GMPPB: variants seen among roughly 807,000 people sequenced by gnomAD.
GMPPB encodes mannose-1-phosphate guanylyltransferase catalytic subunit beta.
Under a neutral mutation model 40.3 loss-of-function variants are expected in GMPPB, and 38 were observed. The observed-to-expected ratio is 0.94, with a 90% CI of 0.73 to 1.24. The LOEUF (loss-of-function observed/expected upper bound fraction) is 1.24. Ranked by LOEUF, GMPPB falls within the 50% of genes most tolerant of loss-of-function variation. The pLI, the probability that GMPPB is intolerant of heterozygous loss-of-function variation, is 0.00. For synonymous variants in GMPPB, 193 were observed against 191.8 expected (o/e 1.01, Z -0.05); for missense variants, 436 against 487.1 (o/e 0.90, Z 0.99).
In GMPPB at chr3:49,720,627, AC is replaced by A. The variant is rs1287727536; in HGVS notation, c.*1124del. On this transcript the variant is annotated 3_prime_UTR_variant, in exon 9 of 9. Coordinates refer to ENST00000308388, the MANE Select transcript of GMPPB (RefSeq NM_021971.4). ...CCTGGCACTGCTCTGCCAGCCCCTG[AC>A]CGGAAGCGCTTCTCCCTGCAGAGCT... 2 of 1,602,824 alleles carry A rather than the reference AC, an allele frequency of 1.2e-6. No individual in the cohort carries two copies. The highest frequency in any genetic ancestry group is 3.4e-5 in the Admixed American group (2 of 59,426).
Position 49,720,535 on chromosome 3 carries a change from C to T in GMPPB, c.*1217G>A, listed in dbSNP as rs761396877. The T allele has an allele frequency of 2.5e-6, 4 of 1,604,538 alleles. No homozygotes were observed. The South Asian group carries it at 3.3e-5, about 13-fold the overall frequency. On this transcript the variant is annotated 3_prime_UTR_variant, in exon 9 of 9. Transcript: ENST00000308388. ...GGAGAGAGCAAGCCACATCAGTGCT[C>T]CTGGCAGATCCCTGCTTCCAGCTAC...
rs750733949 is a variant in GMPPB, at chr3:49,721,338, C to T, written c.*414G>A. 3.7e-6 allele frequency: 6 copies of T among 1,614,082 alleles called. No individual in the cohort carries two copies. Among genetic ancestry groups the T allele is most frequent in the African/African-American group, 1.3e-5 (1 of 75,062 alleles). On this transcript the variant is annotated 3_prime_UTR_variant, in exon 9 of 9. Coordinates refer to ENST00000308388, the MANE Select transcript of GMPPB (RefSeq NM_021971.4). The stretch of plus-strand genomic sequence containing the variant: ...AGCCTGTGCCATCCTGGAACCTCCA[C>T]CTTTGAACCCAGAGCCAGGCTGGGC...
chr3:49,720,612 C>T lies in GMPPB; in HGVS notation c.*1140G>A. The T allele has an allele frequency of 3.7e-6, 6 of 1,607,620 alleles. No individual in the cohort carries two copies. The highest frequency in any genetic ancestry group is 5.1e-6 in the Non-Finnish European group (6 of 1,175,582). ...CCAGAGCCCCCAGCACCTGGCACTG[C>T]TCTGCCAGCCCCTGACCGGAAGCGC... is the stretch of plus-strand genomic sequence containing the variant. On this transcript the variant is annotated 3_prime_UTR_variant, in exon 9 of 9. Coordinates refer to ENST00000308388, the MANE Select transcript of GMPPB (RefSeq NM_021971.4).
At chr3:49,722,937 G>C (rs187185691) in intron 4 of GMPPB, 35 bp downstream of exon 4, 1 of 1,607,750 alleles carries the variant, frequency 6.2e-7, no homozygotes, top group Non-Finnish European at 8.5e-7. Flanking sequence ...CATGGAGGGT[G>C]AAAGTGTCAA....
intron 8 of GMPPB, 29 bp downstream of exon 8, chr3:49,721,936 T>TCCCCC: frequency 3.2e-6 from 5 of 1,584,988 alleles, no homozygotes; most frequent in Non-Finnish European, 4.3e-6. Flanking sequence ...CCCGCCCCTC[T>TCCCCC]CCCCACCCAG....
chr3:49,721,245 C>T lies in GMPPB; in HGVS notation c.*507G>A, dbSNP rs940478732. ...ACTGCTTCTTCTGCAAAACCACCATCGTGTCTGTAGAGGACTGGGAGAAGG... is the reference window on the plus strand; with the variant it reads ...ACTGCTTCTTCTGCAAAACCACCATTGTGTCTGTAGAGGACTGGGAGAAGG... On this transcript the variant is annotated 3_prime_UTR_variant, in exon 9 of 9. Transcript: ENST00000308388. 8 of 1,614,104 alleles carry T rather than the reference C, an allele frequency of 5.0e-6. No homozygotes were observed. Among genetic ancestry groups the T allele is most frequent in the African/African-American group, 1.3e-5 (1 of 74,938 alleles).
chr3:49,720,504 T>TACC lies in GMPPB; in HGVS notation c.*1245_*1247dup. 6.4e-7 allele frequency: 1 copy of TACC among 1,555,504 alleles called. No individual in the cohort carries two copies. The highest frequency in any genetic ancestry group is 1.2e-5 in the South Asian group (1 of 82,650). ...TTCTGACTGCCCTTGCACCCTCCCC[T>TACC]ACCTAGGAGAGAGCAAGCCACATCA... On this transcript the variant is annotated 3_prime_UTR_variant, in exon 9 of 9. Coordinates refer to ENST00000308388, the MANE Select transcript of GMPPB (RefSeq NM_021971.4).
At position 49,721,686 on chromosome 3, in the gene GMPPB, T is replaced by A. The variant is rs1391959448; in HGVS notation, c.*66A>T. 7.7e-6 allele frequency: 11 copies of A among 1,431,594 alleles called. No individual in the cohort carries two copies. The highest frequency in any genetic ancestry group is 1.1e-5 in the Non-Finnish European group (11 of 1,045,380). The allele number at this position is 1,431,594 out of a possible 1,614,324, so 88.7% of individuals were successfully genotyped here. A position where few individuals can be genotyped will look rare whatever the true frequency, so the allele number is the denominator to read the frequency against. On this transcript the variant is annotated 3_prime_UTR_variant, in exon 9 of 9. Transcript: ENST00000308388. ...TAATGACAAGTCCAGGGTCTTCTGA[T>A]GTGTCAGGCCAGCACTCCCCTTGCT...
At position 49,723,421 on chromosome 3, in the gene GMPPB, C is replaced by G; in HGVS notation, c.181G>C (p.Glu61Gln). Reference protein sequence around the residue: ...LAVSYMSQVLEKEMKAQEQRL... With the variant: ...LAVSYMSQVLQKEMKAQEQRL... Reference sequence around the variant, plus strand: ...TGCTCCTGTGCCTTCATTTCCTTCTCCAGCACCTGCGACATGTAGCTCACG... The same window carrying G: ...TGCTCCTGTGCCTTCATTTCCTTCTGCAGCACCTGCGACATGTAGCTCACG... Residue 61 changes from glutamate (E) to glutamine (Q), a missense_variant, in exon 2 of 9, where the codon GAG becomes CAG. Transcript: ENST00000308388. 2 of 1,614,194 alleles carry G rather than the reference C, an allele frequency of 1.2e-6. No homozygotes were observed. The highest frequency in any genetic ancestry group is 1.7e-6 in the Non-Finnish European group (2 of 1,180,038).
Position 49,721,991 on chromosome 3 carries a change from C to G in GMPPB, c.925G>C (p.Gly309Arg). 2 of 1,613,704 alleles carry G rather than the reference C, an allele frequency of 1.2e-6. No individual in the cohort carries two copies. The highest frequency in any genetic ancestry group is 1.7e-6 in the Non-Finnish European group (2 of 1,180,024). ...CACTGACCCACGCGGCAGCGCCAGC[C>G]CACAATGCAGGACTCAAGCCAGGAA... Reference protein sequence around the residue: ...SHSWLESCIVGWRCRVGQWVR... With the variant: ...SHSWLESCIVRWRCRVGQWVR... The change falls in exon 8 of 9, where the codon GGC (glycine) becomes CGC (arginine). Residue 309 changes from glycine to arginine, a missense_variant. Physicochemically the swap from Gly to Arg is moderately radical, Grantham distance 125 (BLOSUM62 -2). Coordinates refer to ENST00000308388, the MANE Select transcript of GMPPB (RefSeq NM_021971.4).
rs989410102 is a variant in GMPPB at position 49,723,237 on chromosome 3, T to C, written c.259+17A>G. ...GCCTTAAACCCTCCCCCAAGGGACC[T>C]TTCTGCCTCTACTGACCTGTCCCCA... is the stretch of plus-strand genomic sequence containing the variant. On this transcript the variant is annotated intron_variant, in intron 3 of 8. Coordinates refer to ENST00000308388, the MANE Select transcript of GMPPB (RefSeq NM_021971.4). 6 of 1,613,824 alleles carry C rather than the reference T, an allele frequency of 3.7e-6. No individual in the cohort carries two copies. The highest frequency in any genetic ancestry group is 3.3e-5 in the Admixed American group (2 of 59,994).
chr3:49,722,821 C>T lies in GMPPB; in HGVS notation c.403-67G>A. 5 of 1,551,974 alleles carry T rather than the reference C, an allele frequency of 3.2e-6. No individual in the cohort carries two copies. The East Asian group carries it at 1.1e-4, about 35-fold the overall frequency. On this transcript the variant is annotated intron_variant, in intron 4 of 8. Transcript: ENST00000308388. ...CTAAGCCTTGATACACATGCCGTTC[C>T]AGATCTCAAGAGACTCTGCCCCAAG... is the stretch of plus-strand genomic sequence containing the variant.
rs554660694 is a variant in GMPPB at position 49,720,396 on chromosome 3, G to A, written c.*1356C>T. 1 of 1,061,548 alleles carries A rather than the reference G, an allele frequency of 9.4e-7. No individual in the cohort carries two copies. The highest frequency in any genetic ancestry group is 3.0e-5 in the Admixed American group (1 of 33,132). 65.8% of individuals were successfully genotyped at this position (1,061,548 alleles called of 1,614,324 possible). A position where few individuals can be genotyped will look rare whatever the true frequency, so the allele number is the denominator to read the frequency against. ...GGTTTGGGAAGCAGGGAGACGGAAA[G>A]GATGCAGGGGGGGTGATCATGTACG... On this transcript the variant is annotated 3_prime_UTR_variant, in exon 9 of 9. Coordinates refer to ENST00000308388, the MANE Select transcript of GMPPB (RefSeq NM_021971.4).
chr3:49,723,489 C>T lies in GMPPB; in HGVS notation c.130-17G>A. 6.2e-7 allele frequency: 1 copy of T among 1,613,178 alleles called. No individual in the cohort carries two copies. Among genetic ancestry groups the T allele is most frequent in the African/African-American group, 1.3e-5 (1 of 75,056 alleles). ...CACGCCTGCCTGTCAGAACGCAGGC[C>T]GACGGGCGGGCTCAGTCAGAAGGTA... On this transcript the variant is annotated splice_polypyrimidine_tract_variant and intron_variant, in intron 1 of 8. Transcript: ENST00000308388.
At position 49,721,217 on chromosome 3, in the gene GMPPB, A is replaced by C; in HGVS notation, c.*535T>G. On this transcript the variant is annotated 3_prime_UTR_variant, in exon 9 of 9. Transcript: ENST00000308388. ...ATCAACCAGCACCTGATGAACAACA[A>C]GGACTGCTTCTTCTGCAAAACCACC... 6.2e-7 allele frequency: 1 copy of C among 1,614,200 alleles called. No individual in the cohort carries two copies. The highest frequency in any genetic ancestry group is 8.5e-7 in the Non-Finnish European group (1 of 1,180,022).
chr3:49,723,580 C>A lies in GMPPB; in HGVS notation c.129+18G>T, dbSNP rs746951712. The A allele has an allele frequency of 1.0e-5, 16 of 1,603,112 alleles. No homozygotes were observed. In the South Asian group the frequency reaches 1.7e-4, roughly 17 times the overall value. ...CGCCAGATCCGAACGCGACTCTGAT[C>A]CCGACCCAGGGTCTTACCGCGGCTA... is the stretch of plus-strand genomic sequence containing the variant. On this transcript the variant is annotated intron_variant, in intron 1 of 8. Coordinates refer to ENST00000308388, the MANE Select transcript of GMPPB (RefSeq NM_021971.4).
chr3:49,723,212 G>A, intron 3 of GMPPB, 42 bp downstream of exon 3: 2 of 1,612,294 alleles, frequency 1.2e-6, no homozygotes, highest in Non-Finnish European at 1.7e-6. Context: ...CCTTTTCCTG[G>A]CCTTAAACCC....
Position 49,721,154 on chromosome 3 carries a change from A to G in GMPPB, c.*598T>C. 1 of 1,614,134 alleles carries G rather than the reference A, an allele frequency of 6.2e-7. No homozygotes were observed. Among genetic ancestry groups the G allele is most frequent in the East Asian group, 2.2e-5 (1 of 44,886 alleles). ...GGTGGGGAGAGCAGTAGGTACATGC[A>G]GGGCAGTCCTCATCCCCTCCCCTGT... On this transcript the variant is annotated 3_prime_UTR_variant, in exon 9 of 9. Coordinates refer to ENST00000308388, the MANE Select transcript of GMPPB (RefSeq NM_021971.4).
In GMPPB at chr3:49,722,100, C is replaced by G; in HGVS notation, c.816G>C (p.Val272=). 1.2e-6 allele frequency: 2 copies of G among 1,613,542 alleles called. No individual in the cohort carries two copies. Among genetic ancestry groups the G allele is most frequent in the Non-Finnish European group, 1.7e-6 (2 of 1,179,996 alleles). Residue 272 remains valine (V), a synonymous_variant, in exon 8 of 9, where the codon GTG becomes GTC. Transcript: ENST00000308388. The part of the protein sequence containing the change: ...IGQNCSIGPN[V]SLGPGVVVED... ...CGACCACCACGCCAGGTCCCAGGCT[C>G]ACATTGGGGCCAATGCTGCAGTTCT...
Sources: allele counts gnomAD v4.1 joint callset, GRCh38; gene constraint gnomAD v4.1.1; transcripts MANE v1.5; gene names NCBI Gene and HGNC (gene_info 2026-07-23, HGNC 2026-07-21).